ZC3H15: variants seen among roughly 807,000 people sequenced by gnomAD.
ZC3H15 encodes the protein zinc finger CCCH-type containing 15.
Under a neutral mutation model 51.2 loss-of-function variants are expected in ZC3H15, and 15 were observed. That is an observed-to-expected ratio of 0.29 (90% CI 0.20 to 0.45). The LOEUF is 0.45. Among genes scored for constraint, ZC3H15 ranks in the 20% least tolerant of loss-of-function variants. The probability of loss-of-function intolerance (pLI) is 1.00; values close to 1 mark genes in which losing one functional copy is unlikely to be tolerated. For missense variants in ZC3H15, 381 were observed against 494.7 expected (o/e 0.77, Z 2.18); for synonymous variants, 144 against 162.8 (o/e 0.88, Z 0.88).
intron 3 of ZC3H15, 79 bp from the exon 4 acceptor site, chr2:186,501,194 A>G: frequency 7.1e-7 from 1 of 1,417,204 alleles, no homozygotes; most frequent in South Asian, 1.9e-5. Context: ...GTTAACCAAA[A>G]TTCATCATAT....
intron 1 of ZC3H15, among the ~76,000 whole-genome samples, chr2:186,487,606 A>G (rs1476417407): frequency 2.6e-5 from 4 of 152,246 alleles, no homozygotes; most frequent in Non-Finnish European, 4.4e-5. Flanking sequence ...ATAGCCAGAC[A>G]CTTAAAAACA....
intron 1 of ZC3H15, among the ~76,000 whole-genome samples, chr2:186,491,448 T>C (rs1001751831): frequency 6.6e-6 from 1 of 152,116 alleles, no homozygotes; most frequent in African/African-American, 2.4e-5. Context: ...CTTGCCCAAG[T>C]TTACTAACCT....
chr2:186,508,419 G>A (rs7558856), intron 9 of ZC3H15, 124 bp from the exon 10 acceptor site: 808,022 of 812,714 alleles, frequency 0.99, 401,800 homozygotes, highest in East Asian at 1. Context: ...GAGTAATTCT[G>A]GGGAAATGGC....
Position 186,508,906 on chromosome 2 carries a change from C to T in ZC3H15, c.*173C>T, listed in dbSNP as rs1474155220. On this transcript the variant is annotated 3_prime_UTR_variant, in exon 10 of 10. Transcript: ENST00000337859. ...CCTACATCTTCTCTTCTGACTTTGG[C>T]TACATCTCATAGTAAGTTCAGAGTA... 1.2e-5 allele frequency: 8 copies of T among 684,708 alleles called. No individual in the cohort carries two copies. The highest frequency in any genetic ancestry group is 2.0e-5 in the Non-Finnish European group (8 of 397,836). The allele number at this position is 684,708 out of a possible 1,614,324, so 42.4% of individuals were successfully genotyped here.
chr2:186,495,944 C>G (rs1037394080), intron 2 of ZC3H15, among the ~76,000 whole-genome samples: 2 of 152,156 alleles, frequency 1.3e-5, no homozygotes, highest in East Asian at 3.9e-4. Flanking sequence ...GTTTGCACTT[C>G]TATGACTTCC....
At chr2:186,501,775 G>A (rs13017038) in intron 4 of ZC3H15, among the ~76,000 whole-genome samples, 47,591 of 150,898 alleles carry the variant, frequency 0.32, 8,032 homozygotes, top group East Asian at 0.42. Flanking sequence ...GCAGTGGCAC[G>A]ATCTCAGCTC....
At chr2:186,504,645 ACACT>A (rs1559012502) in intron 6 of ZC3H15, among the ~76,000 whole-genome samples, 1 of 152,192 alleles carries the variant, frequency 6.6e-6, no homozygotes, top group Non-Finnish European at 1.5e-5. Flanking sequence ...TGGACTCAAA[ACACT>A]CACTCTGCTT....
chr2:186,496,709 A>G (rs1313728472), intron 2 of ZC3H15, among the ~76,000 whole-genome samples: 1 of 152,222 alleles, frequency 6.6e-6, no homozygotes, highest in Non-Finnish European at 1.5e-5. Context: ...CTACACACCT[A>G]GGCTATATGG....
At position 186,508,758 on chromosome 2, in the gene ZC3H15, T is replaced by G. The variant is rs754660569; in HGVS notation, c.*25T>G. 6.2e-7 allele frequency: 1 copy of G among 1,608,928 alleles called. No homozygotes were observed. Among genetic ancestry groups the G allele is most frequent in the African/African-American group, 1.3e-5 (1 of 74,770 alleles). On this transcript the variant is annotated 3_prime_UTR_variant, in exon 10 of 10. Transcript: ENST00000337859. ...ACACCAAACACATCGCTGAAAAAAT[T>G]AAGTCAGCTCAGCACGAGTTGAAAT...
At chr2:186,491,421 G>T (rs904651923) in intron 1 of ZC3H15, among the ~76,000 whole-genome samples, 5 of 152,114 alleles carry the variant, frequency 3.3e-5, no homozygotes, top group African/African-American at 1.2e-4. Flanking sequence ...TTGAAAACAG[G>T]CATAGATATT....
rs1366931195 is a variant in ZC3H15 at position 186,495,218 on chromosome 2, C to T, written c.76-15C>T. On this transcript the variant is annotated splice_polypyrimidine_tract_variant and intron_variant, in intron 1 of 9. Coordinates refer to ENST00000337859, the MANE Select transcript of ZC3H15 (RefSeq NM_018471.3). ...CATAAATTGCTAAGATATTTCTGTG[C>T]TCTTTCTCATGTAGGACAAAACTTT... The T allele has an allele frequency of 6.0e-6, 9 of 1,502,144 alleles. No individual in the cohort carries two copies. The East Asian group carries it at 2.0e-4, about 34-fold the overall frequency. The allele number at this position is 1,502,144 out of a possible 1,614,324, so 93.1% of individuals were successfully genotyped here.
intron 1 of ZC3H15, among the ~76,000 whole-genome samples, chr2:186,492,234 G>A (rs945548692): frequency 6.6e-5 from 10 of 152,052 alleles, no homozygotes; most frequent in Admixed American, 1.3e-4. Context: ...TCTCCCTCCC[G>A]TGAGAGCTCA....
In ZC3H15 at chr2:186,501,333, A is replaced by T; in HGVS notation, c.350A>T (p.Asp117Val). ...AAGCAAGGACAGTGTACTAAAGGAG[A>T]TAAGTGTAAGTTCTCCCATGACTTG... is the stretch of plus-strand genomic sequence containing the variant. ...FFKQGQCTKG[D>V]KCKFSHDLTL... Residue 117 changes from aspartate (D) to valine (V), a missense_variant, in exon 4 of 10, where the codon GAT becomes GTT. Physicochemically the swap from Asp to Val is radical, Grantham distance 152. Transcript: ENST00000337859. 1.2e-6 allele frequency: 2 copies of T among 1,613,922 alleles called. No individual in the cohort carries two copies. Among genetic ancestry groups the T allele is most frequent in the Non-Finnish European group, 1.7e-6 (2 of 1,179,892 alleles).
In ZC3H15 at chr2:186,505,498, T is replaced by C; in HGVS notation, c.765T>C (p.Phe255=). The stretch of plus-strand genomic sequence containing the variant: ...TTACCAAAATCACTCTAGAATCTTT[T>C]CTTGCCTGGAAGAAAAGGAAAAGAC... ...PNVTKITLES[F]LAWKKRKRQE... The change falls in exon 7 of 10, where the codon TTT becomes TTC. Residue 255 remains phenylalanine, a synonymous_variant. Transcript: ENST00000337859. The C allele has an allele frequency of 1.3e-6, 2 of 1,596,814 alleles. No homozygotes were observed. Among genetic ancestry groups the C allele is most frequent in the South Asian group, 1.1e-5 (1 of 87,510 alleles).
chr2:186,486,608 T>A (rs1212791295), intron 1 of ZC3H15, 151 bp downstream of exon 1: 3 of 713,888 alleles, frequency 4.2e-6, no homozygotes, highest in Non-Finnish European at 6.1e-6. Flanking sequence ...CAGCCCCTGA[T>A]GACGCTAGCT....
chr2:186,497,818 A>G (rs919887334), intron 2 of ZC3H15, among the ~76,000 whole-genome samples: 9 of 152,204 alleles, frequency 5.9e-5, no homozygotes, highest in African/African-American at 1.4e-4. Flanking sequence ...ATTTAATACT[A>G]TATTTTTGAT....
intron 4 of ZC3H15, among the ~76,000 whole-genome samples, chr2:186,501,762 A>C (rs1461180080): frequency 6.6e-6 from 1 of 150,620 alleles, no homozygotes; most frequent in Non-Finnish European, 1.5e-5. Context: ...CCCAGACTGG[A>C]GTGCAGTGGC....
chr2:186,505,252 T>C, intron 6 of ZC3H15, 199 bp from the exon 7 acceptor site: 2 of 379,178 alleles, frequency 5.3e-6, no homozygotes, highest in Non-Finnish European at 8.8e-6. Context: ...CAGAATAATA[T>C]ATTTTTAGTG....
At chr2:186,493,477 C>T (rs1685231627) in intron 1 of ZC3H15, among the ~76,000 whole-genome samples, 1 of 152,024 alleles carries the variant, frequency 6.6e-6, no homozygotes, top group South Asian at 2.1e-4. Context: ...CAGAAAAGAC[C>T]CAGAAAAAAT....
Sources: allele counts gnomAD v4.1 joint callset (sites outside exome capture counted in the v4.1 genomes callset), GRCh38; gene constraint gnomAD v4.1.1; transcripts MANE v1.5; gene names NCBI Gene and HGNC (gene_info 2026-07-23, HGNC 2026-07-21).